Variants in SV2C observed in about 807,000 individuals in gnomAD.
The protein encoded by SV2C is synaptic vesicle glycoprotein 2C.
A neutral mutation model predicts 79.7 loss-of-function variants in SV2C; 49 were observed. The observed-to-expected ratio is 0.61, with a 90% confidence interval of 0.49 to 0.78. The LOEUF (loss-of-function observed/expected upper bound fraction) is 0.78, where lower values mean the gene tolerates loss of function less well. Ranked by LOEUF, SV2C falls within the 30% of genes least tolerant of loss-of-function variation. The probability of loss-of-function intolerance (pLI) is 0.00; values close to 1 mark genes in which losing one functional copy is unlikely to be tolerated. For missense variants in SV2C, 833 were observed against 912.9 expected, an observed-to-expected ratio of 0.91 and a Z score of 1.13; for synonymous variants, 334 against 333.2, an observed-to-expected ratio of 1.00 and a Z score of -0.03.
chr5:76,051,921 T>A, the SV2C span, among the ~76,000 whole-genome samples: 1 of 152,198 alleles, frequency 6.6e-6, no homozygotes, highest in African/African-American at 2.4e-5. Context: ...AATATCGAAC[T>A]GTCACTTCTT....
the SV2C span, among the ~76,000 whole-genome samples, chr5:76,068,811 A>G: frequency 1.3e-5 from 2 of 152,332 alleles, no homozygotes; most frequent in East Asian, 3.9e-4. Context: ...GAGAGTTGAA[A>G]GAAAAGTTCC....
At chr5:76,014,340 A>T in the SV2C span, among the ~76,000 whole-genome samples, 1 of 152,120 alleles carries the variant, frequency 6.6e-6, no homozygotes, top group Non-Finnish European at 1.5e-5. Flanking sequence ...AAAGAAAGAA[A>T]AACTAAAAGC....
At chr5:75,850,649 C>G in the SV2C span, among the ~76,000 whole-genome samples, 1 of 148,148 alleles carries the variant, frequency 6.8e-6, no homozygotes, top group African/African-American at 2.5e-5. Flanking sequence ...AAAAAAAAAG[C>G]ATATATATGT....
chr5:76,112,863 T>C (rs753547772), intron 1 of SV2C, among the ~76,000 whole-genome samples: 1 of 152,174 alleles, frequency 6.6e-6, no homozygotes, highest in Non-Finnish European at 1.5e-5. Context: ...CCTTCCTCCA[T>C]GGCACTAATT....
At chr5:75,984,595 CTACCTAT>C in the SV2C span, among the ~76,000 whole-genome samples, 1 of 79,922 alleles carries the variant, frequency 1.3e-5, no homozygotes, top group African/African-American at 3.1e-5. Context: ...ATCTATCTAT[CTACCTAT>C]CTATCTATCT....
chr5:76,165,820 C>T (rs993798018), intron 2 of SV2C, among the ~76,000 whole-genome samples: 1 of 152,108 alleles, frequency 6.6e-6, no homozygotes, highest in Non-Finnish European at 1.5e-5. Context: ...TGGAATCAAA[C>T]AAGGCAAGGT....
intron 1 of SV2C, among the ~76,000 whole-genome samples, chr5:76,122,626 G>A (rs1230113928): frequency 6.6e-6 from 1 of 151,770 alleles, no homozygotes; most frequent in Non-Finnish European, 1.5e-5. Context: ...ACTGACTACT[G>A]GGTACATAAC....
At chr5:76,092,102 A>G (rs1374534430) in intron 1 of SV2C, among the ~76,000 whole-genome samples, 2 of 152,240 alleles carry the variant, frequency 1.3e-5, no homozygotes, top group South Asian at 2.1e-4. Context: ...CCGATATAGT[A>G]TGATTCTACT....
chr5:76,150,628 T>C (rs1389216108), intron 2 of SV2C, among the ~76,000 whole-genome samples: 1 of 39,170 alleles, frequency 2.6e-5, no homozygotes, highest in African/African-American at 1.2e-4. Flanking sequence ...ATCAAATTCT[T>C]TTTTTTTTTT....
At chr5:76,250,532 T>G (rs1746081985) in intron 4 of SV2C, among the ~76,000 whole-genome samples, 1 of 152,198 alleles carries the variant, frequency 6.6e-6, no homozygotes, top group South Asian at 2.1e-4. Flanking sequence ...TAGGTTTTAC[T>G]AGAGGAAAGG....
chr5:76,139,602 A>G (rs1040529109), intron 2 of SV2C, among the ~76,000 whole-genome samples: 1 of 152,186 alleles, frequency 6.6e-6, no homozygotes, highest in African/African-American at 2.4e-5. Flanking sequence ...TTCTGAACAT[A>G]TAAGACTGAG....
chr5:75,910,747 A>G, the SV2C span: 5 of 1,369,764 alleles, frequency 3.7e-6, no homozygotes, highest in Admixed American at 1.7e-5. Flanking sequence ...ACCAAAAACT[A>G]CTAGAGGAGC....
the SV2C span, among the ~76,000 whole-genome samples, chr5:75,847,820 G>A: frequency 6.6e-6 from 1 of 152,158 alleles, no homozygotes; most frequent in Non-Finnish European, 1.5e-5. Flanking sequence ...GAAATGAGAA[G>A]TAGTGTAATG....
chr5:76,297,153 T>C (rs1410075302), intron 9 of SV2C, among the ~76,000 whole-genome samples: 1 of 152,238 alleles, frequency 6.6e-6, no homozygotes, highest in Non-Finnish European at 1.5e-5. Context: ...GTAAAACATA[T>C]GTTACACATT....
chr5:76,176,082 G>A (rs146214924), intron 2 of SV2C, among the ~76,000 whole-genome samples: 1 of 152,326 alleles, frequency 6.6e-6, no homozygotes, highest in Non-Finnish European at 1.5e-5. Flanking sequence ...TGTTATTTGT[G>A]ACAACCTTGT....
chr5:76,017,568 T>C, the SV2C span, among the ~76,000 whole-genome samples: 1 of 152,280 alleles, frequency 6.6e-6, no homozygotes, highest in South Asian at 2.1e-4. Context: ...TGTGAGCCAC[T>C]GAGCCAGGCT....
At chr5:76,351,132 G>A (rs557808604) in intron 12 of SV2C, among the ~76,000 whole-genome samples, 6 of 152,218 alleles carry the variant, frequency 3.9e-5, no homozygotes, top group Middle Eastern at 3.4e-3. Flanking sequence ...TTCTGGAGGC[G>A]GCCATTGACC....
At chr5:75,991,626 T>C in the SV2C span, among the ~76,000 whole-genome samples, 301 of 147,774 alleles carry the variant, frequency 2.0e-3, no homozygotes, top group African/African-American at 7.1e-3. Context: ...TGCAAAACCA[T>C]CAGATATATA....
the SV2C span, among the ~76,000 whole-genome samples, chr5:75,958,084 G>A: frequency 1.3e-5 from 2 of 152,028 alleles, no homozygotes; most frequent in South Asian, 2.1e-4. Flanking sequence ...ATGTGACACA[G>A]TGCAGAATCT....
Sources: gnomAD v4.1 joint callset for allele counts (sites outside exome capture counted in the v4.1 genomes callset) on GRCh38, gnomAD v4.1.1 for gene constraint, MANE v1.5 for transcripts, NCBI Gene and HGNC (gene_info 2026-07-23, HGNC 2026-07-21) for gene names.